EPB41L4A: variants seen among roughly 807,000 people sequenced by gnomAD.
The protein encoded by EPB41L4A is erythrocyte membrane protein band 4.1 like 4A.
Under a neutral mutation model 108.6 loss-of-function variants are expected in EPB41L4A, and 100 were observed. The observed-to-expected ratio is 0.92, with a 90% confidence interval of 0.78 to 1.09. The LOEUF is 1.09. Among genes scored for constraint, EPB41L4A ranks in the 50% least tolerant of loss-of-function variants. The pLI is 0.00. For synonymous variants in EPB41L4A, 319 were observed against 289.0 expected, an observed-to-expected ratio of 1.10 and a Z score of -1.05; for missense variants, 1,030 against 842.7, an observed-to-expected ratio of 1.22 and a Z score of -2.75.
chr5:112,187,319 T>C (rs1002427504), intron 17 of EPB41L4A, among the ~76,000 whole-genome samples: 2 of 152,240 alleles, frequency 1.3e-5, no homozygotes, highest in African/African-American at 4.8e-5. Flanking sequence ...TCTGTAACTA[T>C]GGAGGGTCAA....
At chr5:112,402,189 A>G (rs1761803921) in intron 1 of EPB41L4A, among the ~76,000 whole-genome samples, 1 of 152,068 alleles carries the variant, frequency 6.6e-6, no homozygotes, top group Admixed American at 6.5e-5. Context: ...TGGTTGTTTA[A>G]AAGTGTGTAG....
At chr5:112,214,647 T>A (rs1011899932) in intron 12 of EPB41L4A, among the ~76,000 whole-genome samples, 5 of 152,104 alleles carry the variant, frequency 3.3e-5, no homozygotes, top group Admixed American at 2.6e-4. Context: ...GCACCTGTAG[T>A]CCCAGCTACT....
intron 12 of EPB41L4A, among the ~76,000 whole-genome samples, chr5:112,223,477 A>C (rs1048350949): frequency 2.6e-5 from 4 of 152,196 alleles, no homozygotes; most frequent in African/African-American, 9.7e-5. Flanking sequence ...AAAGGTGTGG[A>C]ATCCTCAGAT....
chr5:112,398,931 A>G (rs563343736), intron 1 of EPB41L4A, among the ~76,000 whole-genome samples: 3 of 109,084 alleles, frequency 2.8e-5, no homozygotes, highest in South Asian at 2.6e-4. Flanking sequence ...TCTATCCTAG[A>G]AAAAAAAAAA....
rs1237728055 is a variant in EPB41L4A at position 112,194,664 on chromosome 5, G to A, written c.1425-19C>T. ...ACGTGACCTGAAGACAAAAAGGTAA[G>A]AACAAAAGAAAAAACACACATTTAT... On this transcript the variant is annotated intron_variant, in intron 16 of 22. Coordinates refer to ENST00000261486, the MANE Select transcript of EPB41L4A (RefSeq NM_022140.5). The A allele has an allele frequency of 6.4e-6, 10 of 1,564,400 alleles. No individual in the cohort carries two copies. The East Asian group carries it at 9.1e-5, about 14-fold the overall frequency.
chr5:112,233,836 GTTTGT>G (rs1430233101), intron 12 of EPB41L4A, among the ~76,000 whole-genome samples: 1 of 151,778 alleles, frequency 6.6e-6, no homozygotes, highest in Non-Finnish European at 1.5e-5. Context: ...GGTTTTTGTT[GTTTGT>G]TTTAAGAAAC....
At chr5:112,393,034 G>C (rs1761060120) in intron 1 of EPB41L4A, among the ~76,000 whole-genome samples, 1 of 152,160 alleles carries the variant, frequency 6.6e-6, no homozygotes, top group Non-Finnish European at 1.5e-5. Context: ...GATGTTCCTT[G>C]AAACCAATGA....
At chr5:112,302,537 C>G (rs1002592033) in intron 2 of EPB41L4A, among the ~76,000 whole-genome samples, 4 of 152,116 alleles carry the variant, frequency 2.6e-5, no homozygotes, top group African/African-American at 9.7e-5. Context: ...TTTATAGATT[C>G]CTTCAATCAT....
At chr5:112,325,361 A>T (rs1483990918) in intron 1 of EPB41L4A, among the ~76,000 whole-genome samples, 2 of 151,934 alleles carry the variant, frequency 1.3e-5, no homozygotes, top group Admixed American at 6.6e-5. Flanking sequence ...AAATGGCATG[A>T]ACCCAAGAGG....
intron 12 of EPB41L4A, among the ~76,000 whole-genome samples, chr5:112,150,375 G>C (rs557411498): frequency 1.3e-5 from 2 of 152,116 alleles, no homozygotes; most frequent in East Asian, 3.9e-4. Flanking sequence ...GTATTGAATA[G>C]TGTGTTTCAT....
chr5:112,368,014 T>A (rs1759244539), intron 1 of EPB41L4A, among the ~76,000 whole-genome samples: 1 of 152,338 alleles, frequency 6.6e-6, no homozygotes, highest in East Asian at 1.9e-4. Context: ...TGATCAACAA[T>A]TGTACTGACC....
In EPB41L4A at chr5:112,257,921, T is replaced by G. The variant is rs1431642430; in HGVS notation, c.795+1308A>C. Among the ~76,000 whole-genome samples, 5 of 152,312 alleles carry G rather than the reference T, an allele frequency of 3.3e-5. No individual in the cohort carries two copies. The East Asian group carries it at 9.6e-4, about 29-fold the overall frequency. On this transcript the variant is annotated intron_variant, in intron 9 of 22. Transcript: ENST00000261486. The stretch of plus-strand genomic sequence containing the variant: ...TTAGCTACTCTACTTTTTGCATGAT[T>G]TTAATTCAGTCTTATATTATAATGC...
intron 1 of EPB41L4A, among the ~76,000 whole-genome samples, chr5:112,398,029 G>A (rs538628247): frequency 6.3e-4 from 96 of 152,278 alleles, no homozygotes; most frequent in Admixed American, 2.2e-3. Flanking sequence ...ACAATTGTAA[G>A]CTAAGCCACT....
chr5:112,249,761 A>T (rs933981528), intron 9 of EPB41L4A: 3 of 152,204 alleles, frequency 2.0e-5, no homozygotes, highest in African/African-American at 7.2e-5. Flanking sequence ...CCCAAAGAGC[A>T]TTTCTTACAA....
rs769865423 is a variant in EPB41L4A at position 112,210,034 on chromosome 5, A to G, written c.1088-52T>C. 21 of 1,095,828 alleles carry G rather than the reference A, an allele frequency of 1.9e-5. No individual in the cohort carries two copies. In the South Asian group the frequency reaches 2.8e-4, roughly 15 times the overall value. 67.9% of individuals were successfully genotyped at this position (1,095,828 alleles called of 1,614,324 possible). Reference sequence around the variant, plus strand: ...GAAGAGAGAGGAAACAGTGATAAGGAAATGAAAGAAACAGAAGACTTATTT... The same window carrying G: ...GAAGAGAGAGGAAACAGTGATAAGGGAATGAAAGAAACAGAAGACTTATTT... On this transcript the variant is annotated intron_variant, in intron 12 of 22. Transcript: ENST00000261486.
downstream of EPB41L4A, chr5:112,161,586 C>A: frequency 9.6e-6 from 5 of 519,176 alleles, no homozygotes; most frequent in South Asian, 7.0e-5. Context: ...AAATTTGATA[C>A]CTTTGGTGTA....
At chr5:112,404,608 T>C (rs1432648863) in intron 1 of EPB41L4A, among the ~76,000 whole-genome samples, 1 of 152,178 alleles carries the variant, frequency 6.6e-6, no homozygotes, top group Admixed American at 6.5e-5. Flanking sequence ...AATCCAGATA[T>C]TCGGAGTCTA....
chr5:112,342,589 C>A (rs1213016117), intron 1 of EPB41L4A, among the ~76,000 whole-genome samples: 1 of 152,144 alleles, frequency 6.6e-6, no homozygotes. Flanking sequence ...TGCATTAGAG[C>A]TGAGGGTCTA....
At chr5:112,281,496 G>C (rs894562543) in intron 2 of EPB41L4A, among the ~76,000 whole-genome samples, 1 of 152,182 alleles carries the variant, frequency 6.6e-6, no homozygotes, top group Non-Finnish European at 1.5e-5. Flanking sequence ...GGTCAGGGGA[G>C]GGCAGAGATG....
Sources: gnomAD v4.1 joint callset for allele counts (sites outside exome capture counted in the v4.1 genomes callset) on GRCh38, gnomAD v4.1.1 for gene constraint, MANE v1.5 for transcripts, NCBI Gene and HGNC (gene_info 2026-07-23, HGNC 2026-07-21) for gene names.